VSIG10: variants seen among roughly 807,000 people sequenced by gnomAD.
The protein encoded by VSIG10 is V-set and immunoglobulin domain containing 10, also known as V-set and immunoglobulin domain-containing protein 10.
A neutral mutation model predicts 58.7 loss-of-function variants in VSIG10; 48 were observed. The observed-to-expected ratio is 0.82, with a 90% CI of 0.65 to 1.04. The LOEUF is 1.04. Ranked by LOEUF, VSIG10 falls within the 50% of genes least tolerant of loss-of-function variation. The pLI, the probability that VSIG10 is intolerant of heterozygous loss-of-function variation, is 0.00. For missense variants in VSIG10, 628 were observed against 670.0 expected (o/e 0.94, Z 0.69); for synonymous variants, 260 against 267.1 (o/e 0.97, Z 0.26).
chr12:118,082,386 T>G lies in VSIG10; in HGVS notation c.405A>C (p.Thr135=), dbSNP rs759277237. Residue 135 remains threonine (T), a synonymous_variant, in exon 3 of 9, where the codon ACA becomes ACC. Coordinates refer to ENST00000359236, the MANE Select transcript of VSIG10 (RefSeq NM_019086.6). ...QIEVHIVATG[T]LPNGTLYAAR... is the part of the protein sequence containing the mutation. ...CTGCGTAGAGGGTGCCGTTGGGGAGTGTGCCGGTGGCCACGATGTGGACCT... is the reference window on the plus strand; with the variant it reads ...CTGCGTAGAGGGTGCCGTTGGGGAGGGTGCCGGTGGCCACGATGTGGACCT... 1 of 1,613,322 alleles carries G rather than the reference T, an allele frequency of 6.2e-7. No homozygotes were observed. The highest frequency in any genetic ancestry group is 8.5e-7 in the Non-Finnish European group (1 of 1,179,540).
rs932196463 is a variant in VSIG10 at position 118,064,367 on chromosome 12, G to A, written c.*2272C>T. 3 of 151,598 alleles carry A rather than the reference G, an allele frequency of 2.0e-5. No homozygotes were observed. Among genetic ancestry groups the A allele is most frequent in the Non-Finnish European group, 2.9e-5 (2 of 68,010 alleles). 9.4% of individuals were successfully genotyped at this position (151,598 alleles called of 1,614,324 possible). A position where few individuals can be genotyped will look rare whatever the true frequency, so the allele number is the denominator to read the frequency against. On this transcript the variant is annotated 3_prime_UTR_variant, in exon 9 of 9. Coordinates refer to ENST00000359236, the MANE Select transcript of VSIG10 (RefSeq NM_019086.6). Reference sequence around the variant, plus strand: ...ATATTTCCTATCAACAGATGTGTGTGCTAGAGAAGAGGAAGTTGTGGAAAA... The same window carrying A: ...ATATTTCCTATCAACAGATGTGTGTACTAGAGAAGAGGAAGTTGTGGAAAA...
chr12:118,079,174 C>T (rs1191440855), intron 4 of VSIG10, among the ~76,000 whole-genome samples, 172 bp downstream of exon 4: 1 of 151,924 alleles, frequency 6.6e-6, no homozygotes, highest in East Asian at 1.9e-4. Flanking sequence ...AGCTAAGCAT[C>T]TCTAAAATTT....
chr12:118,074,380 G>A (rs7134851), intron 4 of VSIG10, among the ~76,000 whole-genome samples: 68,452 of 151,876 alleles, frequency 0.45, 15,797 homozygotes, highest in East Asian at 0.74. Flanking sequence ...CACCGCATCC[G>A]GCCCCAGTCC....
In VSIG10 at chr12:118,095,582, C is replaced by T. The variant is rs1311948660; in HGVS notation, c.312G>A (p.Gln104=). The change falls in exon 2 of 9, where the codon CAG becomes CAA. Residue 104 remains glutamine, a synonymous_variant. Transcript: ENST00000359236. Reference sequence around the variant, plus strand: ...ACCACTGAGTCACATTCAGGATCTCCTGGCAGGTGTAGATTCCCTCATCTC... The same window carrying T: ...ACCACTGAGTCACATTCAGGATCTCTTGGCAGGTGTAGATTCCCTCATCTC... ...SLGDEGIYTC[Q]EILNVTQWFQ... The T allele has an allele frequency of 3.1e-6, 5 of 1,613,848 alleles. No homozygotes were observed. Among genetic ancestry groups the T allele is most frequent in the Non-Finnish European group, 4.2e-6 (5 of 1,179,896 alleles).
intron 3 of VSIG10, among the ~76,000 whole-genome samples, chr12:118,081,514 T>C (rs2032947050): frequency 6.6e-6 from 1 of 151,708 alleles, no homozygotes; most frequent in African/African-American, 2.4e-5. Flanking sequence ...TGGTTAATCC[T>C]ACGTACTTTC....
intron 6 of VSIG10, 62 bp from the exon 7 acceptor site, chr12:118,071,129 T>C (rs2032473935): frequency 1.3e-6 from 2 of 1,543,346 alleles, no homozygotes; most frequent in East Asian, 4.7e-5. Flanking sequence ...TGACAGGTTC[T>C]TAATCAGGCA....
chr12:118,102,183 T>A (rs2033639223), intron 1 of VSIG10: 1 of 152,194 alleles, frequency 6.6e-6, no homozygotes, highest in Admixed American at 6.6e-5. Context: ...GAAAGCCAGG[T>A]CATTCCAGCA....
At position 118,094,477 on chromosome 12, in the gene VSIG10, G is replaced by A. The variant is rs144259087; in HGVS notation, c.361+1056C>T. On this transcript the variant is annotated intron_variant, in intron 2 of 8. Coordinates refer to ENST00000359236, the MANE Select transcript of VSIG10 (RefSeq NM_019086.6). ...CGGCTCACCACAACCTCCACCACCC[G>A]GGTTTAACCGATTCTCCTGCCTCAG... is the stretch of plus-strand genomic sequence containing the variant. 8.6e-5 allele frequency among the ~76,000 whole-genome samples: 13 copies of A among 151,520 alleles called. No homozygotes were observed. The East Asian group carries it at 2.2e-3, about 25-fold the overall frequency.
chr12:118,079,466 T>TC lies in VSIG10; in HGVS notation c.804dup (p.Lys269GlufsTer48). ...AGCATTTCCACCCCCAGCTTTGACTTCCCCACGATTACACCTCCTGGCTCT... is the reference window on the plus strand; with the variant it reads ...AGCATTTCCACCCCCAGCTTTGACTTCCCCCACGATTACACCTCCTGGCTCT... On this transcript the variant is annotated frameshift_variant, in exon 4 of 9. Transcript: ENST00000359236. LOFTEE classifies it high-confidence loss of function. The TC allele has an allele frequency of 2.5e-6, 4 of 1,613,910 alleles. No individual in the cohort carries two copies. Among genetic ancestry groups the TC allele is most frequent in the East Asian group, 2.2e-5 (1 of 44,872 alleles).
Position 118,065,037 on chromosome 12 carries a change from T to C in VSIG10, c.*1602A>G, listed in dbSNP as rs1479945013. ...GGTCCTCGACTTTAAGAAATTTATA[T>C]GAAATCGGAAAACTTAAATCTTGAA... On this transcript the variant is annotated 3_prime_UTR_variant, in exon 9 of 9. Transcript: ENST00000359236. 6.6e-6 allele frequency: 1 copy of C among 152,216 alleles called. No individual in the cohort carries two copies. Among genetic ancestry groups the C allele is most frequent in the African/African-American group, 2.4e-5 (1 of 41,440 alleles). The allele number at this position is 152,216 out of a possible 1,614,324, so 9.4% of individuals were successfully genotyped here.
intron 5 of VSIG10, among the ~76,000 whole-genome samples, 157 bp from the exon 6 acceptor site, chr12:118,071,626 C>T (rs1288091377): frequency 6.6e-6 from 1 of 152,114 alleles, no homozygotes; most frequent in African/African-American, 2.4e-5. Context: ...ATTTTATCAC[C>T]CAACCTCAGA....
chr12:118,067,609 A>G (rs1593486426), intron 8 of VSIG10, among the ~76,000 whole-genome samples: 1 of 151,514 alleles, frequency 6.6e-6, no homozygotes, highest in Non-Finnish European at 1.5e-5. Flanking sequence ...GATTACAGGC[A>G]CCTACCACAC....
chr12:118,078,336 T>C (rs529162381), intron 4 of VSIG10, among the ~76,000 whole-genome samples: 2 of 151,972 alleles, frequency 1.3e-5, no homozygotes, highest in Admixed American at 6.6e-5. Flanking sequence ...TTTTTGTATT[T>C]TTAGTAGAGA....
At chr12:118,092,131 T>C (rs1050515363) in intron 2 of VSIG10, among the ~76,000 whole-genome samples, 1 of 152,134 alleles carries the variant, frequency 6.6e-6, no homozygotes, top group Non-Finnish European at 1.5e-5. Context: ...CCATCTTGGC[T>C]CACTGCAACC....
In VSIG10 at chr12:118,103,536, C is replaced by T. The variant is rs2033674472; in HGVS notation, c.79+57G>A. 5.5e-6 allele frequency: 8 copies of T among 1,464,654 alleles called. No individual in the cohort carries two copies. In the Admixed American group the frequency reaches 9.5e-5, roughly 17 times the overall value. 90.7% of individuals were successfully genotyped at this position (1,464,654 alleles called of 1,614,324 possible). ...GAGGGAATTGGGTCTCTCGCTGTCC[C>T]CTCCCCACCGCTGACTGGGAAAACT... On this transcript the variant is annotated intron_variant, in intron 1 of 8. Transcript: ENST00000359236.
At chr12:118,084,922 G>T (rs1456657506) in intron 2 of VSIG10, among the ~76,000 whole-genome samples, 1 of 152,190 alleles carries the variant, frequency 6.6e-6, no homozygotes, top group Non-Finnish European at 1.5e-5. Flanking sequence ...TGGAGGCTGA[G>T]GCAGGAGAAT....
Position 118,103,965 on chromosome 12 carries a change from G to A in VSIG10, c.-294C>T. ...CTCCTGCCGGCGGAAAACAACAGGA[G>A]CGGGATCCCTCCCGCCTCCCAGCCA... On this transcript the variant is annotated 5_prime_UTR_variant, in exon 1 of 9. Transcript: ENST00000359236. The A allele has an allele frequency of 3.2e-6, 1 of 314,922 alleles. No individual in the cohort carries two copies. The highest frequency in any genetic ancestry group is 5.8e-6 in the Non-Finnish European group (1 of 171,470). 19.5% of individuals were successfully genotyped at this position (314,922 alleles called of 1,614,324 possible).
Position 118,079,485 on chromosome 12 carries a change from T to G in VSIG10, c.786A>C (p.Pro262=). The change falls in exon 4 of 9, where the codon CCA becomes CCC. Residue 262 remains proline, a synonymous_variant. Coordinates refer to ENST00000359236, the MANE Select transcript of VSIG10 (RefSeq NM_019086.6). ...TTGACTTCCCCACGATTACACCTCC[T>G]GGCTCTTCTATCCACAGGAAGTCAG... ...PDPDFLWIEE[P]GGVIVGKSKL... is the part of the protein sequence containing the mutation. The G allele has an allele frequency of 6.2e-7, 1 of 1,614,030 alleles. No individual in the cohort carries two copies. Among genetic ancestry groups the G allele is most frequent in the Non-Finnish European group, 8.5e-7 (1 of 1,179,898 alleles).
In VSIG10 at chr12:118,073,993, CT is replaced by C; in HGVS notation, c.926-2del. On this transcript the variant is annotated splice_acceptor_variant, in intron 4 of 8. Transcript: ENST00000359236. LOFTEE classifies it high-confidence loss of function. Reference sequence around the variant, plus strand: ...GGCTCAGAGAGAAGGGAGGGACCCCCTGGTGATCAGAAGGTAAACAAAGACA... The same window carrying C: ...GGCTCAGAGAGAAGGGAGGGACCCCCGGTGATCAGAAGGTAAACAAAGACA... The C allele has an allele frequency of 6.5e-7, 1 of 1,543,914 alleles. No individual in the cohort carries two copies. Among genetic ancestry groups the C allele is most frequent in the Non-Finnish European group, 8.7e-7 (1 of 1,144,858 alleles).
Sources: gnomAD v4.1 joint callset for allele counts (sites outside exome capture counted in the v4.1 genomes callset) on GRCh38, gnomAD v4.1.1 for gene constraint, MANE v1.5 for transcripts, NCBI Gene and HGNC (gene_info 2026-07-23, HGNC 2026-07-21) for gene names.